The following CFHR4 variants were observed in gnomAD, a reference collection of about 807,000 sequenced individuals.
The protein encoded by CFHR4 is complement factor H-related protein 4.
Under a neutral mutation model 69.3 loss-of-function variants are expected in CFHR4, and 64 were observed. That is an observed-to-expected ratio of 0.92 (90% CI 0.76 to 1.14). CFHR4 has a LOEUF of 1.14. Ranked by LOEUF, CFHR4 falls within the 50% of genes most tolerant of loss-of-function variation. The pLI is 0.00. For synonymous variants in CFHR4, 244 were observed against 237.0 expected (o/e 1.03, Z -0.27); for missense variants, 636 against 684.9 (o/e 0.93, Z 0.80).
chr1:196,911,820 T>C (rs1409720049), intron 6 of CFHR4, among the ~76,000 whole-genome samples: 1 of 151,448 alleles, frequency 6.6e-6, no homozygotes, highest in Non-Finnish European at 1.5e-5. Flanking sequence ...TTATAGGTAT[T>C]GAAAATAAAA....
chr1:196,899,796 TTG>T (rs1050563266), intron 1 of CFHR4, among the ~76,000 whole-genome samples: 5 of 151,610 alleles, frequency 3.3e-5, no homozygotes, highest in Admixed American at 6.6e-5. Flanking sequence ...CTTCTGAAAT[TTG>T]TGTGGAAAAG....
intron 7 of CFHR4, 111 bp from the exon 8 acceptor site, chr1:196,914,384 A>G (rs1210425348): frequency 1.8e-6 from 2 of 1,120,536 alleles, no homozygotes; most frequent in Non-Finnish European, 2.4e-6. Context: ...ATAGTACTCA[A>G]TTTATTAGCA....
chr1:196,888,840 T>A (rs1379539084), intron 1 of CFHR4, among the ~76,000 whole-genome samples: 1 of 151,354 alleles, frequency 6.6e-6, no homozygotes, highest in Non-Finnish European at 1.5e-5. Flanking sequence ...CATTTCTGAG[T>A]TCACTAGCAA....
intron 1 of CFHR4, among the ~76,000 whole-genome samples, chr1:196,896,696 C>T (rs192023097): frequency 1.3e-5 from 2 of 151,368 alleles, no homozygotes; most frequent in Non-Finnish European, 2.9e-5. Context: ...GTGCAACTTA[C>T]GATCCAAGTC....
rs778557552 is a variant in CFHR4, at chr1:196,906,915, G to A, written c.494G>A (p.Trp165Ter). Residue 165 changes from tryptophan (W) to a stop codon, truncating the protein, a stop_gained, in exon 4 of 10, where the codon TGG (tryptophan) becomes TAG (stop). Transcript: ENST00000608469. LOFTEE classifies it high-confidence loss of function. Reference sequence around the variant, plus strand: ...TCCAGAGCCAAGAGTAATGGCATGTGGTTTAAGCTCCATGACACATTGGAC... The same window carrying A: ...TCCAGAGCCAAGAGTAATGGCATGTAGTTTAAGCTCCATGACACATTGGAC... ...ENSRAKSNGMWFKLHDTLDYE... is the reference protein window; with the variant it reads ...ENSRAKSNGM 6.2e-7 allele frequency: 1 copy of A among 1,611,572 alleles called. No individual in the cohort carries two copies. Among genetic ancestry groups the A allele is most frequent in the Non-Finnish European group, 8.5e-7 (1 of 1,179,292 alleles).
intron 6 of CFHR4, 68 bp from the exon 7 acceptor site, chr1:196,912,672 A>G (rs1658340712): frequency 6.9e-7 from 1 of 1,440,458 alleles, no homozygotes; most frequent in South Asian, 1.4e-5. Context: ...CCATGTTTTT[A>G]CTTGTTCCCT....
At chr1:196,904,569 CTTGT>C (rs1657807261) in intron 2 of CFHR4, among the ~76,000 whole-genome samples, 2 of 151,374 alleles carry the variant, frequency 1.3e-5, no homozygotes, top group African/African-American at 4.9e-5. Flanking sequence ...TTTTTGCTAT[CTTGT>C]TTGTTTTTTC....
Position 196,912,327 on chromosome 1 carries a change from T to G in CFHR4, c.998-413T>G, listed in dbSNP as rs1015385754. Among the ~76,000 whole-genome samples, 55 of 151,398 alleles carry G rather than the reference T, an allele frequency of 3.6e-4. 3 individuals carry two copies. Among genetic ancestry groups the G allele is most frequent in the Admixed American group, 3.4e-3 (51 of 15,160 alleles). ...ATTACTTTCTTGCCTATGGTAGCAGTGTGTACCGTATCTTTGCCTGGGAAA... is the reference window on the plus strand; with the variant it reads ...ATTACTTTCTTGCCTATGGTAGCAGGGTGTACCGTATCTTTGCCTGGGAAA... On this transcript the variant is annotated intron_variant, in intron 6 of 9. Transcript: ENST00000608469.
At chr1:196,899,364 C>G (rs1023303903) in intron 1 of CFHR4, among the ~76,000 whole-genome samples, 1 of 151,508 alleles carries the variant, frequency 6.6e-6, no homozygotes, top group African/African-American at 2.4e-5. Flanking sequence ...GCGCAGTATA[C>G]GTCGCTGCAA....
At chr1:196,908,534 G>A (rs1658044185) in intron 5 of CFHR4, among the ~76,000 whole-genome samples, 2 of 151,200 alleles carry the variant, frequency 1.3e-5, no homozygotes, top group South Asian at 4.2e-4. Flanking sequence ...GTCCCAGAAT[G>A]AAAATGAATA....
Position 196,918,214 on chromosome 1 carries a change from A to C in CFHR4, c.1545A>C (p.Pro515=). ...EWSEPPRCIH[P]CIITEENMNK... ...TGTTTCTTTTTCTGCTTTCAGATCC[A>C]TGTATAATAACTGAAGAAAACATGA... Residue 515 remains proline, a synonymous_variant, in exon 10 of 10, where the codon CCA becomes CCC. Coordinates refer to ENST00000608469, the MANE Select transcript of CFHR4 (RefSeq NM_001201550.3). 6.2e-7 allele frequency: 1 copy of C among 1,603,418 alleles called. No individual in the cohort carries two copies. The highest frequency in any genetic ancestry group is 8.5e-7 in the Non-Finnish European group (1 of 1,173,228).
In CFHR4 at chr1:196,897,989, G is replaced by A. The variant is rs759939390; in HGVS notation, c.59-4429G>A. On this transcript the variant is annotated intron_variant, in intron 1 of 9. Transcript: ENST00000608469. ...AGGAGAAAAGCTGAAAGACTTCTGT[G>A]TGGAATACATGGATGGTTAACACTG... 2.6e-5 allele frequency among the ~76,000 whole-genome samples: 4 copies of A among 151,560 alleles called. No homozygotes were observed. In the East Asian group the frequency reaches 7.7e-4, roughly 29 times the overall value.
chr1:196,915,632 C>A (rs2124977329), intron 9 of CFHR4, among the ~76,000 whole-genome samples: 1 of 147,658 alleles, frequency 6.8e-6, no homozygotes, highest in South Asian at 2.2e-4. Flanking sequence ...GAGACTCCGT[C>A]TCCAAAAATA....
At chr1:196,894,287 T>G (rs562802831) in intron 1 of CFHR4, among the ~76,000 whole-genome samples, 18 of 151,758 alleles carry the variant, frequency 1.2e-4, no homozygotes, top group African/African-American at 3.9e-4. Context: ...ATTGTTTTTC[T>G]AAACTTCACT....
At chr1:196,890,799 C>T (rs1021179249) in intron 1 of CFHR4, among the ~76,000 whole-genome samples, 2 of 151,470 alleles carry the variant, frequency 1.3e-5, no homozygotes, top group African/African-American at 2.4e-5. Context: ...ATTAAGCTTT[C>T]GCATAACAAA....
rs536896918 is a variant in CFHR4 at position 196,908,174 on chromosome 1, G to A, written c.799+676G>A. ...GGTCTGTCACAGGATGGGGAGCTAGGGGAGGGATAGCATTAAGAGAAACAC... is the reference window on the plus strand; with the variant it reads ...GGTCTGTCACAGGATGGGGAGCTAGAGGAGGGATAGCATTAAGAGAAACAC... On this transcript the variant is annotated intron_variant, in intron 5 of 9. Transcript: ENST00000608469. Among the ~76,000 whole-genome samples, 256 of 151,388 alleles carry A rather than the reference G, an allele frequency of 1.7e-3. 7 individuals are homozygous for A. The highest frequency in any genetic ancestry group is 5.9e-3 in the African/African-American group (241 of 41,062).
In CFHR4 at chr1:196,902,518, C is replaced by G; in HGVS notation, c.159C>G (p.Ser53=). Residue 53 remains serine, a synonymous_variant, in exon 2 of 10, where the codon TCC becomes TCG. Transcript: ENST00000608469. The part of the protein sequence containing the change: ...YFPAAAGQSY[S]YYCDQNFVTP... ...CAGCAGCTGCAGGACAATCTTATTC[C>G]TATTACTGTGATCAAAATTTTGTGA... 6.2e-7 allele frequency: 1 copy of G among 1,611,046 alleles called. No individual in the cohort carries two copies. Among genetic ancestry groups the G allele is most frequent in the Non-Finnish European group, 8.5e-7 (1 of 1,178,164 alleles).
At chr1:196,900,133 G>T (rs1470591721) in intron 1 of CFHR4, among the ~76,000 whole-genome samples, 1 of 151,378 alleles carries the variant, frequency 6.6e-6, no homozygotes, top group Non-Finnish European at 1.5e-5. Context: ...AGTACAAACA[G>T]ATTAGCAACC....
intron 1 of CFHR4, among the ~76,000 whole-genome samples, chr1:196,900,974 C>A (rs979632058): frequency 6.6e-6 from 1 of 151,322 alleles, no homozygotes; most frequent in Non-Finnish European, 1.5e-5. Context: ...AAGTTATAAT[C>A]GGCATAACTA....
Sources: gnomAD v4.1 joint callset for allele counts (sites outside exome capture counted in the v4.1 genomes callset) on GRCh38, gnomAD v4.1.1 for gene constraint, MANE v1.5 for transcripts, NCBI Gene and HGNC (gene_info 2026-07-23, HGNC 2026-07-21) for gene names.